SCN11A: variants seen among roughly 807,000 people sequenced by gnomAD.
SCN11A encodes the protein sodium voltage-gated channel alpha subunit 11, also known as sodium channel protein type 11 subunit alpha.
In SCN11A, 122 loss-of-function variants were observed where a neutral mutation model predicts 162.2. The observed-to-expected ratio is 0.75, with a 90% CI of 0.65 to 0.87. SCN11A has a LOEUF of 0.87. SCN11A is among the 40% of genes least tolerant of loss of function. The probability of loss-of-function intolerance (pLI) is 0.00; values close to 1 mark genes in which losing one functional copy is unlikely to be tolerated. For synonymous variants in SCN11A, 758 were observed against 751.5 expected (o/e 1.01, Z -0.14); for missense variants, 2,015 against 2,181.6 (o/e 0.92, Z 1.52).
Position 38,985,276 on chromosome 3 carries a change from C to T in SCN11A, c.-279-24853G>A, listed in dbSNP as rs182896297. On this transcript the variant is annotated intron_variant, in intron 2 of 29. Coordinates refer to ENST00000302328, the MANE Select transcript of SCN11A (RefSeq NM_001349253.2). ...CCGAGTAGCTGGGACTACAGGCACC[C>T]GCCACTACGCCCGGCTAATTTTTTT... is the stretch of plus-strand genomic sequence containing the variant. 5.8e-3 allele frequency among the ~76,000 whole-genome samples: 868 copies of T among 149,812 alleles called. 65 individuals are homozygous for T. Among genetic ancestry groups the T allele is most frequent in the African/African-American group, 0.021 (815 of 39,558 alleles).
rs1416054869 is a variant in SCN11A, at chr3:38,864,074, C to G, written c.3952-775G>C. 3.9e-5 allele frequency among the ~76,000 whole-genome samples: 6 copies of G among 152,150 alleles called. No individual in the cohort carries two copies. The East Asian group carries it at 5.8e-4, about 15-fold the overall frequency. ...ATGGGAAATAAGGCCTACGCAAAGA[C>G]AGGAGAGGCACAGATGTCTTTGCAA... is the stretch of plus-strand genomic sequence containing the variant. On this transcript the variant is annotated intron_variant, in intron 27 of 29. Transcript: ENST00000302328.
intron 2 of SCN11A, among the ~76,000 whole-genome samples, chr3:38,970,040 C>A (rs562769777): frequency 6.6e-6 from 1 of 152,194 alleles, no homozygotes; most frequent in Non-Finnish European, 1.5e-5. Context: ...TCCACTCTTG[C>A]GGCCCCTGGC....
At chr3:39,019,427 G>A (rs917577939) in intron 2 of SCN11A, among the ~76,000 whole-genome samples, 2 of 152,120 alleles carry the variant, frequency 1.3e-5, no homozygotes, top group Admixed American at 6.5e-5. Flanking sequence ...AGCCTTCAGG[G>A]AGATTGACTT....
chr3:38,960,132 T>C (rs2066725196), intron 3 of SCN11A, among the ~76,000 whole-genome samples, 151 bp downstream of exon 3: 1 of 152,072 alleles, frequency 6.6e-6, no homozygotes, highest in Non-Finnish European at 1.5e-5. Context: ...GAGCCATATA[T>C]CTCGTACCCG....
chr3:39,040,688 T>A (rs2032028464), intron 1 of SCN11A, among the ~76,000 whole-genome samples: 2 of 152,192 alleles, frequency 1.3e-5, no homozygotes, highest in South Asian at 2.1e-4. Context: ...ATTATTTTTT[T>A]AAAAGAACCA....
chr3:38,848,964 T>C (rs2064724886), intron 29 of SCN11A, among the ~76,000 whole-genome samples: 1 of 152,210 alleles, frequency 6.6e-6, no homozygotes, highest in East Asian at 1.9e-4. Context: ...TAAAACTCTG[T>C]CCACATTAGT....
Position 38,939,859 on chromosome 3 carries a change from C to T in SCN11A, c.488+5552G>A, listed in dbSNP as rs1015852073. Reference sequence around the variant, plus strand: ...AGGAGGTTGTGGTGAGCCAAAATCGCGCCATTGCACTCCAGCCTGAGCGAC... The same window carrying T: ...AGGAGGTTGTGGTGAGCCAAAATCGTGCCATTGCACTCCAGCCTGAGCGAC... On this transcript the variant is annotated intron_variant, in intron 7 of 29. Coordinates refer to ENST00000302328, the MANE Select transcript of SCN11A (RefSeq NM_001349253.2). Among the ~76,000 whole-genome samples, 41 of 151,054 alleles carry T rather than the reference C, an allele frequency of 2.7e-4. 1 individual carries two copies. Among genetic ancestry groups the T allele is most frequent in the African/African-American group, 7.8e-4 (32 of 41,104 alleles).
intron 23 of SCN11A, among the ~76,000 whole-genome samples, chr3:38,876,184 A>C (rs944268795): frequency 2.0e-5 from 3 of 152,138 alleles, no homozygotes; most frequent in African/African-American, 7.2e-5. Flanking sequence ...CTGGATCCTC[A>C]TCTCTCATCT....
chr3:39,022,087 A>T (rs1217499048), intron 2 of SCN11A, among the ~76,000 whole-genome samples: 1 of 152,054 alleles, frequency 6.6e-6, no homozygotes, highest in African/African-American at 2.4e-5. Flanking sequence ...TCACCACTGG[A>T]GTAGTTCTGG....
Position 38,896,897 on chromosome 3 carries a change from G to T in SCN11A, c.2351C>A (p.Ser784Ter). 6.2e-7 allele frequency: 1 copy of T among 1,611,192 alleles called. No individual in the cohort carries two copies. The highest frequency in any genetic ancestry group is 1.1e-5 in the South Asian group (1 of 90,982). Reference protein sequence around the residue: ...WECMQEANASSSLCVIVFILI... With the variant: ...WECMQEANAS ...TATGAAGACAATAACACACAATGATGATGATGCATTCGCTTCTTGCATACA... is the reference window on the plus strand; with the variant it reads ...TATGAAGACAATAACACACAATGATTATGATGCATTCGCTTCTTGCATACA... The change falls in exon 18 of 30, where the codon TCA becomes TAA. Residue 784 changes from serine (S) to a stop codon, truncating the protein, a stop_gained. Transcript: ENST00000302328. LOFTEE classifies it high-confidence loss of function.
intron 11 of SCN11A, among the ~76,000 whole-genome samples, chr3:38,915,426 G>T (rs2065946141): frequency 1.3e-5 from 2 of 152,066 alleles, no homozygotes; most frequent in African/African-American, 4.8e-5. Flanking sequence ...CTAAGTTTTT[G>T]ATGTGGGCGT....
chr3:38,950,554 T>C (rs1481526750), intron 4 of SCN11A, 185 bp from the exon 5 acceptor site: 1 of 603,652 alleles, frequency 1.7e-6, no homozygotes, highest in South Asian at 2.1e-5. Flanking sequence ...ACTGTGGGTA[T>C]AGCAGGAACT....
At chr3:38,908,830 T>C (rs10222607) in intron 13 of SCN11A, among the ~76,000 whole-genome samples, 167 bp downstream of exon 13, 6 of 152,152 alleles carry the variant, frequency 3.9e-5, no homozygotes, top group Non-Finnish European at 4.4e-5. Flanking sequence ...TTGTGAAAGA[T>C]AGCAGCACAG....
intron 5 of SCN11A, among the ~76,000 whole-genome samples, chr3:38,948,440 A>G (rs568511307): frequency 6.6e-6 from 1 of 152,282 alleles, no homozygotes; most frequent in African/African-American, 2.4e-5. Flanking sequence ...ACACTTCTCT[A>G]CTTCTTTCCC....
chr3:39,035,617 G>A (rs2031883780), intron 1 of SCN11A, among the ~76,000 whole-genome samples: 2 of 151,910 alleles, frequency 1.3e-5, no homozygotes, highest in South Asian at 2.1e-4. Flanking sequence ...CTATTCACAG[G>A]TGTGATCCTG....
intron 23 of SCN11A, among the ~76,000 whole-genome samples, chr3:38,878,227 C>T (rs2065252271): frequency 6.8e-6 from 1 of 147,036 alleles, no homozygotes; most frequent in East Asian, 2.1e-4. Flanking sequence ...CCTTTTTTGA[C>T]AGTGTGGCTT....
At position 38,846,343 on chromosome 3, in the gene SCN11A, A is replaced by T. The variant is rs2064661992; in HGVS notation, c.*351T>A. 1 of 210,488 alleles carries T rather than the reference A, an allele frequency of 4.8e-6. No homozygotes were observed. The highest frequency in any genetic ancestry group is 2.3e-5 in the African/African-American group (1 of 43,988). The allele number at this position is 210,488 out of a possible 1,614,324, so 13.0% of individuals were successfully genotyped here. A position where few individuals can be genotyped will look rare whatever the true frequency, so the allele number is the denominator to read the frequency against. On this transcript the variant is annotated 3_prime_UTR_variant, in exon 30 of 30. Transcript: ENST00000302328. Reference sequence around the variant, plus strand: ...TGGCCAGGATGGTCTCGATCTCTTGACCTCGTGATCCACCTGCCTTGGCCT... The same window carrying T: ...TGGCCAGGATGGTCTCGATCTCTTGTCCTCGTGATCCACCTGCCTTGGCCT...
chr3:38,904,305 C>T lies in SCN11A; in HGVS notation c.1604-202G>A, dbSNP rs73826402. On this transcript the variant is annotated intron_variant, in intron 15 of 29. Transcript: ENST00000302328. The stretch of plus-strand genomic sequence containing the variant: ...CAATGTTCCACATACAACTAGCATG[C>T]GGTACAGTCAAGTCCATCAAATATT... Among the ~76,000 whole-genome samples, 752 of 152,244 alleles carry T rather than the reference C, an allele frequency of 4.9e-3. 6 individuals are homozygous for T. The highest frequency in any genetic ancestry group is 0.017 in the African/African-American group (706 of 41,530).
intron 2 of SCN11A, among the ~76,000 whole-genome samples, chr3:38,984,485 C>T (rs2030163900): frequency 6.6e-6 from 1 of 151,736 alleles, no homozygotes; most frequent in Non-Finnish European, 1.5e-5. Flanking sequence ...TCAAGGAAAG[C>T]CTTTCTGAGG....
Sources: allele counts gnomAD v4.1 joint callset (sites outside exome capture counted in the v4.1 genomes callset), GRCh38; gene constraint gnomAD v4.1.1; transcripts MANE v1.5; gene names NCBI Gene and HGNC (gene_info 2026-07-23, HGNC 2026-07-21).